SMARCC1: variants seen among roughly 807,000 people sequenced by gnomAD.
SMARCC1 encodes the protein SWI/SNF related BAF chromatin remodeling complex subunit C1.
SMARCC1 carries 43 observed loss-of-function variants against 147.4 expected under a neutral mutation model. The ratio of observed to expected loss-of-function variants is 0.29; its 90% CI spans 0.23 to 0.38. SMARCC1 has a LOEUF of 0.38. Ranked by LOEUF, SMARCC1 falls within the 10% of genes least tolerant of loss-of-function variation. The probability of loss-of-function intolerance (pLI) is 1.00; values close to 1 mark genes in which losing one functional copy is unlikely to be tolerated. For missense variants in SMARCC1, 1,119 were observed against 1,381.1 expected (o/e 0.81, Z 3.01); for synonymous variants, 495 against 484.4 (o/e 1.02, Z -0.29).
rs1559619733 is a variant in SMARCC1, at chr3:47,588,234, C to CCAGGAG, written c.3287_3292dup (p.Ala1096_Pro1097dup). 2 of 1,613,546 alleles carry CCAGGAG rather than the reference C, an allele frequency of 1.2e-6. No individual in the cohort carries two copies. The highest frequency in any genetic ancestry group is 1.7e-6 in the Non-Finnish European group (2 of 1,179,744). ...CTAAGGAGCAGCTGAGGCTGGCGGG[C>CCAGGAG]CAGGAGCAGGAGGCGGAGGGACCCC... On this transcript the variant is annotated inframe_insertion, in exon 28 of 28. Coordinates refer to ENST00000254480, the MANE Select transcript of SMARCC1 (RefSeq NM_003074.4).
At chr3:47,706,673 C>A (rs2033998936) in intron 9 of SMARCC1, 143 bp from the exon 10 acceptor site, 1 of 682,204 alleles carries the variant, frequency 1.5e-6, no homozygotes, top group Non-Finnish European at 2.2e-6. Context: ...CATTAATCAT[C>A]CAGGAACACC....
At chr3:47,678,103 C>G (rs1284846451) in intron 16 of SMARCC1, 95 bp downstream of exon 16, 6 of 579,604 alleles carry the variant, frequency 1.0e-5, no homozygotes, top group Non-Finnish European at 1.8e-5. Flanking sequence ...GTGTTTTACC[C>G]AGTTGAAACA....
At chr3:47,701,542 C>T (rs1036443536) in intron 10 of SMARCC1, 140 bp from the exon 11 acceptor site, 12 of 791,188 alleles carry the variant, frequency 1.5e-5, no homozygotes, top group Admixed American at 7.7e-5. Context: ...AGGTCGGTCG[C>T]GGTGGTTCAT....
At chr3:47,699,009 A>G (rs2033886819) in intron 11 of SMARCC1, among the ~76,000 whole-genome samples, 1 of 152,182 alleles carries the variant, frequency 6.6e-6, no homozygotes, top group Admixed American at 6.5e-5. Flanking sequence ...TTCAACCCTT[A>G]ATTCATAACA....
At chr3:47,755,808 T>A (rs926300736) in intron 2 of SMARCC1, among the ~76,000 whole-genome samples, 1 of 151,066 alleles carries the variant, frequency 6.6e-6, no homozygotes, top group African/African-American at 2.4e-5. Context: ...CTGACCAACA[T>A]GGTGAAACAC....
chr3:47,777,931 C>T (rs1409410386), intron 1 of SMARCC1, among the ~76,000 whole-genome samples: 1 of 151,604 alleles, frequency 6.6e-6, no homozygotes, highest in Non-Finnish European at 1.5e-5. Flanking sequence ...GTAGGCCAGG[C>T]ACAGTGGCTC....
chr3:47,768,026 T>G (rs1470586384), intron 2 of SMARCC1, among the ~76,000 whole-genome samples: 1 of 152,048 alleles, frequency 6.6e-6, no homozygotes, highest in East Asian at 1.9e-4. Flanking sequence ...TATTTCTTTG[T>G]AGAGACGGGG....
intron 21 of SMARCC1, among the ~76,000 whole-genome samples, chr3:47,654,082 C>T (rs943528265): frequency 1.2e-4 from 18 of 152,220 alleles, no homozygotes; most frequent in African/African-American, 3.9e-4. Context: ...GCCACTAATG[C>T]TCTATGGTAT....
chr3:47,765,909 T>C (rs56219063), intron 2 of SMARCC1, among the ~76,000 whole-genome samples: 256 of 152,144 alleles, frequency 1.7e-3, no homozygotes, highest in Non-Finnish European at 2.4e-3. Flanking sequence ...ATTTTTGTAT[T>C]TGTAGTAGAG....
intron 9 of SMARCC1, among the ~76,000 whole-genome samples, chr3:47,707,081 C>A (rs777222124): frequency 1.3e-5 from 2 of 152,070 alleles, no homozygotes; most frequent in South Asian, 2.1e-4. Flanking sequence ...GAAGCCGAGG[C>A]GGGAAGATCA....
intron 24 of SMARCC1, among the ~76,000 whole-genome samples, chr3:47,634,483 G>C (rs1335039444): frequency 2.6e-5 from 4 of 152,184 alleles, no homozygotes; most frequent in Non-Finnish European, 5.9e-5. Context: ...AAAATAAAAT[G>C]ATTAGCAATG....
chr3:47,760,178 G>C (rs2034757499), intron 2 of SMARCC1, among the ~76,000 whole-genome samples: 2 of 152,012 alleles, frequency 1.3e-5, no homozygotes, highest in African/African-American at 4.8e-5. Context: ...AGCTGGGAAT[G>C]GTGGTGCACA....
chr3:47,764,001 G>A (rs1009111261), intron 2 of SMARCC1, among the ~76,000 whole-genome samples: 2 of 151,520 alleles, frequency 1.3e-5, no homozygotes, highest in African/African-American at 4.9e-5. Flanking sequence ...TTATAAGCAT[G>A]AACCACTGCA....
At position 47,736,023 on chromosome 3, in the gene SMARCC1, G is replaced by T; in HGVS notation, c.576+11C>A. The T allele has an allele frequency of 1.2e-5, 16 of 1,332,336 alleles. No homozygotes were observed. Among genetic ancestry groups the T allele is most frequent in the Non-Finnish European group, 1.7e-5 (16 of 943,880 alleles). The allele number at this position is 1,332,336 out of a possible 1,614,324, so 82.5% of individuals were successfully genotyped here. The stretch of plus-strand genomic sequence containing the variant: ...GTGTCTATTATTATCTGAAGTGATT[G>T]TGTCTATTACCTGATGTCGTTTGAT... On this transcript the variant is annotated intron_variant, in intron 5 of 27. Transcript: ENST00000254480.
chr3:47,772,017 C>T (rs1052661328), intron 2 of SMARCC1, among the ~76,000 whole-genome samples: 4 of 151,454 alleles, frequency 2.6e-5, no homozygotes, highest in East Asian at 1.9e-4. Flanking sequence ...TGCAGTGAGC[C>T]GAAATCACAC....
Position 47,678,323 on chromosome 3 carries a change from T to C in SMARCC1, c.1458-12A>G, listed in dbSNP as rs998097855. Reference sequence around the variant, plus strand: ...GATATGCCAAGTATCTAAAAAGCAATGGCAAAATTCATAAGGTGGACATGT... The same window carrying C: ...GATATGCCAAGTATCTAAAAAGCAACGGCAAAATTCATAAGGTGGACATGT... On this transcript the variant is annotated splice_polypyrimidine_tract_variant and intron_variant, in intron 15 of 27. Coordinates refer to ENST00000254480, the MANE Select transcript of SMARCC1 (RefSeq NM_003074.4). The C allele has an allele frequency of 3.5e-6, 5 of 1,444,346 alleles. No homozygotes were observed. The African/African-American group carries it at 7.1e-5, about 20-fold the overall frequency. 89.5% of individuals were successfully genotyped at this position (1,444,346 alleles called of 1,614,324 possible).
chr3:47,602,140 C>T (rs1416540331), intron 26 of SMARCC1, among the ~76,000 whole-genome samples: 1 of 152,130 alleles, frequency 6.6e-6, no homozygotes. Context: ...AAAAAGCCAA[C>T]TGTAGCTGGG....
intron 9 of SMARCC1, among the ~76,000 whole-genome samples, chr3:47,709,838 T>C (rs987838481): frequency 6.6e-6 from 1 of 152,178 alleles, no homozygotes; most frequent in African/African-American, 2.4e-5. Context: ...CAAGTTGTCC[T>C]TCCACAACTT....
intron 26 of SMARCC1, among the ~76,000 whole-genome samples, chr3:47,607,196 G>C (rs1041235980): frequency 6.6e-6 from 1 of 152,028 alleles, no homozygotes; most frequent in African/African-American, 2.4e-5. Flanking sequence ...TTGTGAGCAG[G>C]GTAAACTTCT....
Sources: gnomAD v4.1 joint callset for allele counts (sites outside exome capture counted in the v4.1 genomes callset) on GRCh38, gnomAD v4.1.1 for gene constraint, MANE v1.5 for transcripts, NCBI Gene and HGNC (gene_info 2026-07-23, HGNC 2026-07-21) for gene names.